Variants in CTNNA3 observed in about 807,000 individuals in gnomAD.
CTNNA3 encodes the protein catenin alpha 3.
CTNNA3 carries 76 observed loss-of-function variants against 95.7 expected under a neutral mutation model. The ratio of observed to expected loss-of-function variants is 0.79; its 90% CI spans 0.66 to 0.96. The LOEUF (loss-of-function observed/expected upper bound fraction) is 0.96. Among genes scored for constraint, CTNNA3 ranks in the 40% least tolerant of loss-of-function variants. The pLI is 0.00. For missense variants in CTNNA3, 1,191 were observed against 1,089.8 expected (o/e 1.09, Z -1.31); for synonymous variants, 431 against 374.4 (o/e 1.15, Z -1.74).
At chr10:66,906,314 A>T (rs1191166537) in intron 7 of CTNNA3, among the ~76,000 whole-genome samples, 3 of 152,190 alleles carry the variant, frequency 2.0e-5, no homozygotes. Flanking sequence ...CCTGGATCTG[A>T]TCAAAACTCT....
chr10:66,085,285 G>A (rs1036879307), intron 14 of CTNNA3, among the ~76,000 whole-genome samples: 1 of 152,096 alleles, frequency 6.6e-6, no homozygotes, highest in African/African-American at 2.4e-5. Context: ...ACAAGGAAGA[G>A]AAGATGGATA....
At chr10:67,414,567 T>C (rs116882456) in intron 5 of CTNNA3, among the ~76,000 whole-genome samples, 1,809 of 152,218 alleles carry the variant, frequency 0.012, 19 homozygotes, top group Non-Finnish European at 0.018. Context: ...CAGGGGCTCC[T>C]CCCTAACTTA....
chr10:66,886,464 C>T (rs377185775), intron 7 of CTNNA3, among the ~76,000 whole-genome samples: 4 of 152,222 alleles, frequency 2.6e-5, no homozygotes, highest in African/African-American at 9.6e-5. Flanking sequence ...GAACTGCATG[C>T]TTTAGACCCT....
intron 7 of CTNNA3, among the ~76,000 whole-genome samples, chr10:66,907,703 C>G (rs1004840482): frequency 2.0e-5 from 3 of 152,112 alleles, no homozygotes; most frequent in Non-Finnish European, 4.4e-5. Context: ...AGAACATCAT[C>G]AATATCAAGT....
At chr10:67,503,961 T>C (rs1232958570) in intron 5 of CTNNA3, among the ~76,000 whole-genome samples, 3 of 151,680 alleles carry the variant, frequency 2.0e-5, no homozygotes, top group South Asian at 4.2e-4. Context: ...ATCAAGACCA[T>C]CCTGGCTAAC....
At chr10:66,511,713 G>C (rs1351300762) in intron 11 of CTNNA3, among the ~76,000 whole-genome samples, 4 of 151,776 alleles carry the variant, frequency 2.6e-5, no homozygotes, top group Admixed American at 2.0e-4. Context: ...ATAATCCACT[G>C]AAACCTGAGA....
At chr10:67,284,086 C>A (rs1459640614) in intron 5 of CTNNA3, among the ~76,000 whole-genome samples, 1 of 152,176 alleles carries the variant, frequency 6.6e-6, no homozygotes, top group Non-Finnish European at 1.5e-5. Context: ...TGCCCCCAAA[C>A]AAGGCTACTG....
chr10:67,439,608 C>G (rs1346963213), intron 5 of CTNNA3, among the ~76,000 whole-genome samples: 4 of 152,122 alleles, frequency 2.6e-5, no homozygotes, highest in African/African-American at 9.7e-5. Flanking sequence ...AGGCCCCCCA[C>G]CTCCAACAAT....
intron 1 of CTNNA3, among the ~76,000 whole-genome samples, chr10:67,672,565 G>A (rs1161383635): frequency 2.6e-5 from 4 of 152,106 alleles, no homozygotes; most frequent in Admixed American, 6.6e-5. Context: ...TCCAGTTTCA[G>A]CTTTCTACGT....
chr10:66,575,142 A>G (rs2132176275), intron 10 of CTNNA3, among the ~76,000 whole-genome samples: 1 of 152,270 alleles, frequency 6.6e-6, no homozygotes, highest in South Asian at 2.1e-4. Flanking sequence ...CCTAGCCAGT[A>G]TCTCTTTTCT....
chr10:66,009,660 A>G (rs1344807139), intron 15 of CTNNA3, among the ~76,000 whole-genome samples: 1 of 152,334 alleles, frequency 6.6e-6, no homozygotes. Flanking sequence ...AAAGCAGGGT[A>G]GAAACCTTTG....
intron 12 of CTNNA3, among the ~76,000 whole-genome samples, chr10:66,348,542 T>A (rs1357989030): frequency 2.0e-5 from 3 of 152,074 alleles, no homozygotes; most frequent in Non-Finnish European, 4.4e-5. Flanking sequence ...ATCTTGTAGG[T>A]CAAAAAAGTT....
intron 14 of CTNNA3, among the ~76,000 whole-genome samples, chr10:66,096,389 A>G (rs2081386276): frequency 6.6e-6 from 1 of 152,222 alleles, no homozygotes; most frequent in South Asian, 2.1e-4. Context: ...ATAAATGACT[A>G]CTTGCAGAAC....
chr10:66,078,361 A>G (rs1185269065), intron 14 of CTNNA3, among the ~76,000 whole-genome samples: 1 of 151,836 alleles, frequency 6.6e-6, no homozygotes, highest in African/African-American at 2.4e-5. Context: ...CACTTCAAGA[A>G]CTTGTTATCC....
At chr10:65,948,207 G>C (rs1269170779) in intron 17 of CTNNA3, among the ~76,000 whole-genome samples, 1 of 151,194 alleles carries the variant, frequency 6.6e-6, no homozygotes, top group Non-Finnish European at 1.5e-5. Context: ...CATGACCCCG[G>C]GAGGCGGAGC....
At chr10:66,986,718 G>T (rs1850748546) in intron 7 of CTNNA3, among the ~76,000 whole-genome samples, 1 of 152,062 alleles carries the variant, frequency 6.6e-6, no homozygotes, top group Non-Finnish European at 1.5e-5. Flanking sequence ...GGCTAATCAG[G>T]TTGATTTATC....
intron 10 of CTNNA3, among the ~76,000 whole-genome samples, chr10:66,563,808 C>G (rs908394062): frequency 6.6e-6 from 1 of 152,060 alleles, no homozygotes; most frequent in Non-Finnish European, 1.5e-5. Context: ...CAGACTAAGA[C>G]ATAAGTGACT....
intron 7 of CTNNA3, among the ~76,000 whole-genome samples, chr10:67,144,875 A>T (rs1189336998): frequency 2.0e-5 from 3 of 152,222 alleles, no homozygotes; most frequent in Non-Finnish European, 1.5e-5. Context: ...TTTTGGTATA[A>T]GAGGCCTAGT....
chr10:67,158,909 A>G (rs915575666), intron 7 of CTNNA3, among the ~76,000 whole-genome samples: 2 of 151,894 alleles, frequency 1.3e-5, no homozygotes, highest in African/African-American at 2.4e-5. Flanking sequence ...CAAAGGGGGG[A>G]AAGGAGGGAA....
Sources: gnomAD v4.1 joint callset for allele counts (sites outside exome capture counted in the v4.1 genomes callset) on GRCh38, gnomAD v4.1.1 for gene constraint, MANE v1.5 for transcripts, NCBI Gene and HGNC (gene_info 2026-07-23, HGNC 2026-07-21) for gene names.